The following RABGAP1L variants were observed in gnomAD, a reference collection of about 807,000 sequenced individuals.
RABGAP1L encodes RAB GTPase activating protein 1 like.
Under a neutral mutation model 137.7 loss-of-function variants are expected in RABGAP1L, and 63 were observed. That is an observed-to-expected ratio of 0.46 (90% CI 0.37 to 0.56). The LOEUF is 0.56. Ranked by LOEUF, RABGAP1L falls within the 20% of genes least tolerant of loss-of-function variation. RABGAP1L has a pLI of 0.00. For missense variants in RABGAP1L, 1,095 were observed against 1,244.0 expected, an observed-to-expected ratio of 0.88 and a Z score of 1.80; for synonymous variants, 431 against 433.7, an observed-to-expected ratio of 0.99 and a Z score of 0.08.
intron 10 of RABGAP1L, among the ~76,000 whole-genome samples, chr1:174,284,585 C>G (rs903814836): frequency 6.6e-6 from 1 of 151,964 alleles, no homozygotes; most frequent in Admixed American, 6.6e-5. Context: ...AGATATATAC[C>G]CAGCAGTGTG....
At chr1:174,529,438 G>A (rs1218363962) in intron 13 of RABGAP1L, among the ~76,000 whole-genome samples, 1 of 152,138 alleles carries the variant, frequency 6.6e-6, no homozygotes, top group African/African-American at 2.4e-5. Flanking sequence ...GATTTCCTTA[G>A]TGGCTTAGGG....
intron 13 of RABGAP1L, among the ~76,000 whole-genome samples, chr1:174,585,563 G>C (rs1412760125): frequency 6.6e-6 from 1 of 152,222 alleles, no homozygotes; most frequent in Non-Finnish European, 1.5e-5. Context: ...GTATAGGAAA[G>C]TTCACATTTT....
intron 13 of RABGAP1L, chr1:174,548,163 C>G: frequency 2.0e-6 from 3 of 1,472,200 alleles, no homozygotes; most frequent in Non-Finnish European, 2.7e-6. Flanking sequence ...TACATATGTT[C>G]ATTTTACAAC....
chr1:174,729,793 C>T (rs1047586717), intron 17 of RABGAP1L, among the ~76,000 whole-genome samples: 1 of 152,084 alleles, frequency 6.6e-6, no homozygotes, highest in Non-Finnish European at 1.5e-5. Flanking sequence ...ATCAACATGG[C>T]TATTATTAAA....
intron 19 of RABGAP1L, among the ~76,000 whole-genome samples, chr1:174,937,267 C>T (rs546975798): frequency 1.3e-5 from 2 of 149,486 alleles, no homozygotes; most frequent in South Asian, 2.1e-4. Context: ...GCGTGAGCTA[C>T]CAAGCCCAGC....
chr1:174,192,084 T>C (rs1307802968), intron 1 of RABGAP1L, among the ~76,000 whole-genome samples: 1 of 152,204 alleles, frequency 6.6e-6, no homozygotes, highest in Non-Finnish European at 1.5e-5. Context: ...AGTAAAGGTA[T>C]GTTCAAAAAT....
intron 13 of RABGAP1L, among the ~76,000 whole-genome samples, chr1:174,450,380 G>A (rs1655298193): frequency 6.6e-6 from 1 of 152,064 alleles, no homozygotes; most frequent in Admixed American, 6.5e-5. Flanking sequence ...TATGTTATCT[G>A]TGCCTAACGT....
At chr1:174,645,242 A>G (rs1674867470) in intron 14 of RABGAP1L, among the ~76,000 whole-genome samples, 1 of 152,038 alleles carries the variant, frequency 6.6e-6, no homozygotes, top group Non-Finnish European at 1.5e-5. Context: ...TATTATATAT[A>G]TCTTTTCAAT....
At chr1:174,300,498 C>T (rs574728645) in intron 10 of RABGAP1L, among the ~76,000 whole-genome samples, 26 of 144,794 alleles carry the variant, frequency 1.8e-4, no homozygotes, top group Non-Finnish European at 3.1e-4. Context: ...CATTGCACTC[C>T]ACCCTGGGTA....
At chr1:174,803,977 G>A (rs1689003525) in intron 18 of RABGAP1L, among the ~76,000 whole-genome samples, 1 of 152,040 alleles carries the variant, frequency 6.6e-6, no homozygotes, top group African/African-American at 2.4e-5. Context: ...GGGAGGCTGA[G>A]GCAGGAGAAT....
chr1:174,349,942 G>A (rs1355647742), intron 11 of RABGAP1L, among the ~76,000 whole-genome samples: 13 of 135,972 alleles, frequency 9.6e-5, no homozygotes, highest in Non-Finnish European at 1.3e-4. Context: ...CGGACGGGGC[G>A]GCTGGCCGGG....
chr1:174,543,729 G>A (rs1242029642), intron 13 of RABGAP1L, among the ~76,000 whole-genome samples: 1 of 152,158 alleles, frequency 6.6e-6, no homozygotes, highest in Admixed American at 6.5e-5. Context: ...GCAGTGGCTG[G>A]TACCAGTTGT....
chr1:174,243,319 TTAAA>T (rs1381107978), intron 5 of RABGAP1L: 1 of 152,180 alleles, frequency 6.6e-6, no homozygotes, highest in African/African-American at 2.4e-5. Flanking sequence ...GGATATAGTA[TTAAA>T]TAAATGCTGT....
intron 13 of RABGAP1L, among the ~76,000 whole-genome samples, chr1:174,534,627 T>A (rs1251049956): frequency 6.6e-6 from 1 of 151,550 alleles, no homozygotes; most frequent in African/African-American, 2.4e-5. Flanking sequence ...ATACAAAAAT[T>A]AGCCGGGCAT....
At chr1:174,616,460 C>T (rs1671881344) in intron 13 of RABGAP1L, among the ~76,000 whole-genome samples, 1 of 152,182 alleles carries the variant, frequency 6.6e-6, no homozygotes, top group Non-Finnish European at 1.5e-5. Context: ...TACTCATTTA[C>T]CTAGTGCCTA....
intron 13 of RABGAP1L, among the ~76,000 whole-genome samples, chr1:174,399,822 C>T (rs151234419): frequency 2.9e-4 from 44 of 152,198 alleles, no homozygotes; most frequent in African/African-American, 7.5e-4. Flanking sequence ...CTCATTATCA[C>T]GAGAACACTG....
intron 13 of RABGAP1L, among the ~76,000 whole-genome samples, chr1:174,439,316 A>C (rs1653857122): frequency 6.6e-6 from 1 of 152,168 alleles, no homozygotes; most frequent in East Asian, 1.9e-4. Context: ...CTCATAATGA[A>C]ATGAAATTGA....
At chr1:174,865,527 C>T (rs1375405735) in intron 19 of RABGAP1L, among the ~76,000 whole-genome samples, 4 of 152,112 alleles carry the variant, frequency 2.6e-5, no homozygotes, top group Non-Finnish European at 5.9e-5. Flanking sequence ...GGCAAGAACT[C>T]CTAAGATATC....
Position 174,446,416 on chromosome 1 carries a change from A to G in RABGAP1L, c.1710+52271A>G, listed in dbSNP as rs1270349258. On this transcript the variant is annotated intron_variant, in intron 13 of 25. Transcript: ENST00000681986. ...AGAATGCTTTCTGTTAAGCTGCTGC[A>G]TTGTTCCTGGAGGAAATGTTATTTC... Among the ~76,000 whole-genome samples the G allele has an allele frequency of 2.6e-5, 4 of 152,352 alleles. No homozygotes were observed. In the South Asian group the frequency reaches 8.3e-4, roughly 32 times the overall value.
Sources: gnomAD v4.1 joint callset for allele counts (sites outside exome capture counted in the v4.1 genomes callset) on GRCh38, gnomAD v4.1.1 for gene constraint, MANE v1.5 for transcripts, NCBI Gene and HGNC (gene_info 2026-07-23, HGNC 2026-07-21) for gene names.